MYO5B: variants seen among roughly 807,000 people sequenced by gnomAD.
MYO5B encodes myosin VB, also known as unconventional myosin-Vb.
In MYO5B, 143 loss-of-function variants were observed where a neutral mutation model predicts 229.3. That is an observed-to-expected ratio of 0.62 (90% CI 0.54 to 0.72). MYO5B has a LOEUF of 0.72. MYO5B is among the 30% of genes least tolerant of loss of function. The pLI is 0.00. For missense variants in MYO5B, 2,321 were observed against 2,331.0 expected (o/e 1.00, Z 0.09); for synonymous variants, 918 against 885.2 (o/e 1.04, Z -0.66).
At chr18:50,056,164 G>C (rs754978108) in intron 1 of MYO5B, among the ~76,000 whole-genome samples, 6 of 152,200 alleles carry the variant, frequency 3.9e-5, no homozygotes, top group Non-Finnish European at 8.8e-5. Flanking sequence ...TCACTGAATG[G>C]GGCCAAGTTC....
intron 1 of MYO5B, among the ~76,000 whole-genome samples, chr18:50,108,655 C>T (rs1254047114): frequency 6.6e-6 from 1 of 152,150 alleles, no homozygotes; most frequent in East Asian, 1.9e-4. Flanking sequence ...AAACATGCAT[C>T]CTTGACAATC....
At chr18:50,117,964 C>T (rs898201750) in intron 1 of MYO5B, among the ~76,000 whole-genome samples, 5 of 152,180 alleles carry the variant, frequency 3.3e-5, no homozygotes, top group African/African-American at 1.2e-4. Flanking sequence ...TGAAACTGTG[C>T]TCCTGCACTG....
At chr18:50,152,181 C>T (rs2032609218) in intron 1 of MYO5B, among the ~76,000 whole-genome samples, 1 of 152,202 alleles carries the variant, frequency 6.6e-6, no homozygotes, top group African/African-American at 2.4e-5. Flanking sequence ...GATCCCGAGT[C>T]CCAATGGTGC....
chr18:50,107,201 C>T (rs1403443277), intron 1 of MYO5B, among the ~76,000 whole-genome samples: 5 of 137,102 alleles, frequency 3.6e-5, no homozygotes, highest in Non-Finnish European at 7.8e-5. Flanking sequence ...CTCACTGCAA[C>T]TGCCACCTCC....
intron 22 of MYO5B, among the ~76,000 whole-genome samples, chr18:49,891,091 C>T (rs956801335): frequency 4.6e-5 from 7 of 152,128 alleles, no homozygotes; most frequent in South Asian, 2.1e-4. Context: ...CTGACCTGGC[C>T]GCACTGTGCT....
chr18:50,191,633 C>G (rs569494736), intron 1 of MYO5B, among the ~76,000 whole-genome samples: 1 of 152,268 alleles, frequency 6.6e-6, no homozygotes, highest in East Asian at 1.9e-4. Context: ...TTCTTCAAAA[C>G]TAGGGCTCCG....
intron 7 of MYO5B, among the ~76,000 whole-genome samples, chr18:49,987,578 A>C (rs781424684): frequency 6.6e-6 from 1 of 152,270 alleles, no homozygotes; most frequent in African/African-American, 2.4e-5. Context: ...CAGGCAGTCA[A>C]AAGAACACAG....
intron 39 of MYO5B, among the ~76,000 whole-genome samples, chr18:49,827,621 C>T (rs760953360): frequency 6.6e-6 from 1 of 151,898 alleles, no homozygotes; most frequent in Non-Finnish European, 1.5e-5. Flanking sequence ...TGAAATGATC[C>T]AGTCTGAGAA....
chr18:49,978,993 C>A (rs773274045), intron 9 of MYO5B, among the ~76,000 whole-genome samples: 16 of 152,160 alleles, frequency 1.1e-4, no homozygotes, highest in Non-Finnish European at 2.1e-4. Flanking sequence ...GAGCTGTATG[C>A]ATGGGGAGGC....
intron 26 of MYO5B, among the ~76,000 whole-genome samples, chr18:49,875,172 A>G (rs2024503696): frequency 6.6e-6 from 1 of 152,158 alleles, no homozygotes; most frequent in South Asian, 2.1e-4. Flanking sequence ...GGCTACTAAG[A>G]TTTCAAACAA....
At chr18:50,189,032 GA>G (rs2033192511) in intron 1 of MYO5B, among the ~76,000 whole-genome samples, 1 of 152,060 alleles carries the variant, frequency 6.6e-6, no homozygotes, top group African/African-American at 2.4e-5. Flanking sequence ...GATGAGAGAA[GA>G]AAAAAACCAC....
chr18:49,974,920 A>C (rs2025733523), intron 9 of MYO5B, among the ~76,000 whole-genome samples: 1 of 152,130 alleles, frequency 6.6e-6, no homozygotes, highest in African/African-American at 2.4e-5. Flanking sequence ...TTTAAAAACC[A>C]AAACATTCTC....
intron 32 of MYO5B, among the ~76,000 whole-genome samples, chr18:49,849,001 G>A (rs1009252641): frequency 1.3e-5 from 2 of 151,916 alleles, no homozygotes; most frequent in African/African-American, 2.4e-5. Context: ...GGAAGGATGT[G>A]GAGGGGTATC....
At chr18:50,187,025 T>G (rs2033158714) in intron 1 of MYO5B, among the ~76,000 whole-genome samples, 1 of 152,192 alleles carries the variant, frequency 6.6e-6, no homozygotes, top group Non-Finnish European at 1.5e-5. Flanking sequence ...CTCTAAGCTC[T>G]TTCGTAAATC....
At chr18:49,890,746 T>C (rs1228015145) in intron 22 of MYO5B, among the ~76,000 whole-genome samples, 1 of 152,180 alleles carries the variant, frequency 6.6e-6, no homozygotes, top group Non-Finnish European at 1.5e-5. Context: ...AGTTACCACA[T>C]TTACAGGCAC....
intron 4 of MYO5B, among the ~76,000 whole-genome samples, chr18:50,011,482 A>T (rs2026160082): frequency 6.6e-6 from 1 of 152,144 alleles, no homozygotes; most frequent in South Asian, 2.1e-4. Flanking sequence ...GGACAACTAC[A>T]CGCGGAAGGT....
intron 5 of MYO5B, 30 bp from the exon 6 acceptor site, chr18:49,992,461 A>G (rs1251800371): frequency 2.5e-6 from 4 of 1,614,002 alleles, no homozygotes; most frequent in Non-Finnish European, 3.4e-6. Context: ...AAAGGTATGA[A>G]AAAAAAAGAG....
At chr18:50,182,205 T>C (rs371625747) in intron 1 of MYO5B, among the ~76,000 whole-genome samples, 2 of 152,304 alleles carry the variant, frequency 1.3e-5, no homozygotes, top group South Asian at 2.1e-4. Context: ...CTTTTCTAGG[T>C]GAGAGAAGAA....
intron 1 of MYO5B, among the ~76,000 whole-genome samples, chr18:50,080,200 A>G (rs564508184): frequency 2.7e-4 from 41 of 152,240 alleles, no homozygotes; most frequent in Admixed American, 2.5e-3. Context: ...CTATGAGTAA[A>G]TATCTCAGCA....
Sources: gnomAD v4.1 joint callset for allele counts (sites outside exome capture counted in the v4.1 genomes callset) on GRCh38, gnomAD v4.1.1 for gene constraint, MANE v1.5 for transcripts, NCBI Gene and HGNC (gene_info 2026-07-23, HGNC 2026-07-21) for gene names.